The following FSHR variants were observed in gnomAD, a reference collection of about 807,000 sequenced individuals.
FSHR encodes the protein follicle-stimulating hormone receptor.
In FSHR, 46 loss-of-function variants were observed where a neutral mutation model predicts 52.1. The ratio of observed to expected loss-of-function variants is 0.88; its 90% CI spans 0.70 to 1.13. The LOEUF (loss-of-function observed/expected upper bound fraction) is 1.13, where lower values mean the gene tolerates loss of function less well. Ranked by LOEUF, FSHR falls within the 50% of genes most tolerant of loss-of-function variation. The pLI is 0.00. For missense variants in FSHR, 964 were observed against 834.6 expected (o/e 1.16, Z -1.91); for synonymous variants, 399 against 309.6 (o/e 1.29, Z -3.03).
At chr2:49,109,015 G>A (rs564759015) in intron 1 of FSHR, among the ~76,000 whole-genome samples, 1 of 152,172 alleles carries the variant, frequency 6.6e-6, no homozygotes, top group African/African-American at 2.4e-5. Context: ...TAAAATGTCA[G>A]AGGAGATGTC....
At chr2:48,985,874 C>T (rs1005094543) in intron 6 of FSHR, among the ~76,000 whole-genome samples, 2 of 148,098 alleles carry the variant, frequency 1.4e-5, no homozygotes, top group Non-Finnish European at 3.0e-5. Flanking sequence ...CCACTGCGCC[C>T]GGCTAATTTT....
At chr2:49,012,983 A>G (rs1015830260) in intron 4 of FSHR, among the ~76,000 whole-genome samples, 2 of 152,170 alleles carry the variant, frequency 1.3e-5, no homozygotes, top group African/African-American at 4.8e-5. Context: ...AAATGAGGTC[A>G]TAAGTGTAGG....
intron 1 of FSHR, among the ~76,000 whole-genome samples, chr2:49,127,467 C>T (rs1340600142): frequency 6.6e-6 from 1 of 151,664 alleles, no homozygotes; most frequent in South Asian, 2.1e-4. Flanking sequence ...TGAACGTGTC[C>T]TTTCTTTCCT....
At chr2:49,113,931 G>A (rs1303004167) in intron 1 of FSHR, among the ~76,000 whole-genome samples, 4 of 152,276 alleles carry the variant, frequency 2.6e-5, no homozygotes, top group African/African-American at 9.6e-5. Context: ...TGTCTCAAGT[G>A]AGCCTTGTCA....
At chr2:49,068,087 G>A in intron 2 of FSHR, 132 bp downstream of exon 2, 1 of 734,822 alleles carries the variant, frequency 1.4e-6, no homozygotes, top group East Asian at 2.5e-5. Context: ...AGTAAAATGT[G>A]AGGAGATGCA....
At chr2:49,133,614 A>C (rs373721124) in intron 1 of FSHR, among the ~76,000 whole-genome samples, 6 of 152,220 alleles carry the variant, frequency 3.9e-5, no homozygotes, top group East Asian at 3.8e-4. Flanking sequence ...TTGCCAAAAC[A>C]ATCCTAAGCA....
intron 2 of FSHR, among the ~76,000 whole-genome samples, chr2:49,025,310 T>C (rs1222249352): frequency 6.6e-6 from 1 of 152,164 alleles, no homozygotes; most frequent in African/African-American, 2.4e-5. Flanking sequence ...AATGGATCCT[T>C]GGTTCATCAA....
chr2:49,039,888 T>C lies in FSHR; in HGVS notation c.225-19728A>G, dbSNP rs1339377205. On this transcript the variant is annotated intron_variant, in intron 2 of 9. Transcript: ENST00000406846. ...ATGGATATCTTATGGTGGAATTATGTAAAATTTTTGTTCTTTATAACTTTC... is the reference window on the plus strand; with the variant it reads ...ATGGATATCTTATGGTGGAATTATGCAAAATTTTTGTTCTTTATAACTTTC... Among the ~76,000 whole-genome samples, 9 of 149,986 alleles carry C rather than the reference T, an allele frequency of 6.0e-5. No individual in the cohort carries two copies. In the Admixed American group the frequency reaches 6.1e-4, roughly 10 times the overall value.
chr2:49,093,173 G>A (rs11125211), intron 1 of FSHR, among the ~76,000 whole-genome samples: 2 of 152,188 alleles, frequency 1.3e-5, no homozygotes, highest in South Asian at 2.1e-4. Context: ...GAGTAATGCC[G>A]GCTTTGTAAC....
At chr2:49,099,156 C>T in intron 1 of FSHR, among the ~76,000 whole-genome samples, 1 of 151,928 alleles carries the variant, frequency 6.6e-6, no homozygotes. Flanking sequence ...TAAATGTGTT[C>T]CTACCCAAAT....
intron 2 of FSHR, among the ~76,000 whole-genome samples, chr2:49,066,535 A>G (rs534949245): frequency 1.3e-5 from 2 of 152,214 alleles, no homozygotes; most frequent in South Asian, 4.2e-4. Flanking sequence ...TGGTATAAAA[A>G]GGGTAAAAAA....
At chr2:49,027,550 G>A (rs1667948925) in intron 2 of FSHR, among the ~76,000 whole-genome samples, 1 of 152,058 alleles carries the variant, frequency 6.6e-6, no homozygotes, top group Non-Finnish European at 1.5e-5. Flanking sequence ...GAAAGAAGAT[G>A]AGAAAATGTG....
chr2:49,026,861 G>T (rs1424325689), intron 2 of FSHR, among the ~76,000 whole-genome samples: 1 of 151,984 alleles, frequency 6.6e-6, no homozygotes, highest in African/African-American at 2.4e-5. Context: ...ACCCCCTGAG[G>T]TCACCTCATT....
chr2:49,074,889 C>T (rs1401053574), intron 1 of FSHR, among the ~76,000 whole-genome samples: 1 of 152,014 alleles, frequency 6.6e-6, no homozygotes. Flanking sequence ...TTTGCAGCAA[C>T]ATGGGTGGAA....
chr2:49,048,591 G>A (rs536745703), intron 2 of FSHR, among the ~76,000 whole-genome samples: 180 of 152,236 alleles, frequency 1.2e-3, no homozygotes, highest in African/African-American at 4.3e-3. Context: ...TGCATATTAC[G>A]TGTTTATAAA....
intron 4 of FSHR, among the ~76,000 whole-genome samples, chr2:48,993,929 T>G (rs1675902360): frequency 6.6e-6 from 1 of 152,154 alleles, no homozygotes; most frequent in Non-Finnish European, 1.5e-5. Context: ...GGCCCCTGAT[T>G]TATTCTCAAT....
rs1263037667 is a variant in FSHR, at chr2:49,076,418, G to A, written c.153-8128C>T. ...TGTCATGAGACTTAGTCACTATCGTGAAAACAGCACGGGAAAAACCCGCCC... is the reference window on the plus strand; with the variant it reads ...TGTCATGAGACTTAGTCACTATCGTAAAAACAGCACGGGAAAAACCCGCCC... On this transcript the variant is annotated intron_variant, in intron 1 of 9. Coordinates refer to ENST00000406846, the MANE Select transcript of FSHR (RefSeq NM_000145.4). Among the ~76,000 whole-genome samples the A allele has an allele frequency of 4.4e-4, 67 of 152,172 alleles. 1 individual carries two copies. The highest frequency in any genetic ancestry group is 1.5e-5 in the Non-Finnish European group (1 of 67,986).
At chr2:48,998,293 GAAAA>G (rs906462997) in intron 4 of FSHR, among the ~76,000 whole-genome samples, 34 of 150,514 alleles carry the variant, frequency 2.3e-4, no homozygotes, top group African/African-American at 8.0e-4. Context: ...AACAGGATTT[GAAAA>G]AAAAATCTGT....
chr2:49,025,796 C>T (rs572960690), intron 2 of FSHR, among the ~76,000 whole-genome samples: 14 of 152,156 alleles, frequency 9.2e-5, no homozygotes, highest in African/African-American at 1.9e-4. Flanking sequence ...GTTATTATTC[C>T]GAACCCAAGC....
Sources: allele counts gnomAD v4.1 joint callset (sites outside exome capture counted in the v4.1 genomes callset), GRCh38; gene constraint gnomAD v4.1.1; transcripts MANE v1.5; gene names NCBI Gene and HGNC (gene_info 2026-07-23, HGNC 2026-07-21).